The following OSBPL9 variants were observed in gnomAD, a reference collection of about 807,000 sequenced individuals.
OSBPL9 encodes oxysterol binding protein like 9.
OSBPL9 carries 40 observed loss-of-function variants against 106.6 expected under a neutral mutation model. The ratio of observed to expected loss-of-function variants is 0.38; its 90% CI spans 0.29 to 0.49. The LOEUF (loss-of-function observed/expected upper bound fraction) is 0.49, where lower values mean the gene tolerates loss of function less well. Ranked by LOEUF, OSBPL9 falls within the 20% of genes least tolerant of loss-of-function variation. The pLI, the probability that OSBPL9 is intolerant of heterozygous loss-of-function variation, is 0.97. For synonymous variants in OSBPL9, 269 were observed against 295.4 expected (o/e 0.91, Z 0.92); for missense variants, 609 against 887.2 (o/e 0.69, Z 3.98).
chr1:51,569,801 C>T, the OSBPL9 span: 1 of 152,134 alleles, frequency 6.6e-6, no homozygotes, highest in African/African-American at 2.4e-5. Context: ...AAAAAGCAGC[C>T]AGAGAGATCC....
the OSBPL9 span, among the ~76,000 whole-genome samples, chr1:51,555,681 C>A: frequency 4.7e-4 from 71 of 152,102 alleles, no homozygotes; most frequent in Middle Eastern, 3.4e-3. Context: ...GATTCTCCTG[C>A]CTCAGCCTCC....
At chr1:51,590,890 C>G (rs2148601293) in intron 1 of OSBPL9, among the ~76,000 whole-genome samples, 1 of 150,518 alleles carries the variant, frequency 6.6e-6, no homozygotes, top group African/African-American at 2.4e-5. Context: ...GCTGGGACTA[C>G]AGGCACATGC....
At chr1:51,702,810 T>A (rs1657596262) in intron 3 of OSBPL9, among the ~76,000 whole-genome samples, 1 of 152,242 alleles carries the variant, frequency 6.6e-6, no homozygotes, top group African/African-American at 2.4e-5. Context: ...CATCTTGAAT[T>A]AATTTTTGTA....
intron 3 of OSBPL9, among the ~76,000 whole-genome samples, chr1:51,713,445 C>T (rs534268116): frequency 2.0e-5 from 3 of 152,268 alleles, no homozygotes; most frequent in African/African-American, 4.8e-5. Context: ...CCACTGCACC[C>T]AGCCAGTTTT....
At chr1:51,696,415 C>A (rs183783365) in intron 3 of OSBPL9, among the ~76,000 whole-genome samples, 1 of 152,230 alleles carries the variant, frequency 6.6e-6, no homozygotes. Flanking sequence ...ACAACAACAA[C>A]AACAACAAAA....
the OSBPL9 span, among the ~76,000 whole-genome samples, chr1:51,557,271 T>C: frequency 2.0e-5 from 3 of 152,198 alleles, no homozygotes; most frequent in Non-Finnish European, 4.4e-5. Context: ...TGAATAGAGA[T>C]AACTATTTTG....
chr1:51,519,418 G>C, the OSBPL9 span: 1 of 203,352 alleles, frequency 4.9e-6, no homozygotes, highest in East Asian at 9.1e-5. Context: ...CCGCCCGCCG[G>C]AGCCGGCCGC....
At chr1:51,548,214 A>AT in the OSBPL9 span, among the ~76,000 whole-genome samples, 1 of 151,952 alleles carries the variant, frequency 6.6e-6, no homozygotes, top group Non-Finnish European at 1.5e-5. Flanking sequence ...TTATGCAGGC[A>AT]TTTTTTTCTT....
At chr1:51,702,978 G>A (rs1657635042) in intron 3 of OSBPL9, among the ~76,000 whole-genome samples, 2 of 152,026 alleles carry the variant, frequency 1.3e-5, no homozygotes, top group South Asian at 4.2e-4. Context: ...ATTTCTGAGG[G>A]CTCTGTTCTG....
chr1:51,738,607 C>T (rs1285366723), intron 4 of OSBPL9, among the ~76,000 whole-genome samples: 1 of 152,000 alleles, frequency 6.6e-6, no homozygotes, highest in East Asian at 1.9e-4. Flanking sequence ...GTTTTCCATA[C>T]TGTGTTTTAC....
chr1:51,740,012 T>A lies in OSBPL9; in HGVS notation c.319-5524T>A. On this transcript the variant is annotated intron_variant, in intron 4 of 23. Transcript: ENST00000428468. ...ATCTTTTTTTTTTTAACTTGCCACT[T>A]GCTGCTCATGTACCTACTTTTCCTC... is the stretch of plus-strand genomic sequence containing the variant. 11 of 1,051,102 alleles carry A rather than the reference T, an allele frequency of 1.0e-5. 1 individual carries two copies. In the South Asian group the frequency reaches 1.8e-4, roughly 17 times the overall value. 65.1% of individuals were successfully genotyped at this position (1,051,102 alleles called of 1,614,324 possible).
At chr1:51,782,722 G>A in intron 17 of OSBPL9, 79 bp downstream of exon 17, 1 of 1,263,392 alleles carries the variant, frequency 7.9e-7, no homozygotes, top group Non-Finnish European at 1.1e-6. Flanking sequence ...CGCCATAGCT[G>A]AGGGTACTGT....
Position 51,787,406 on chromosome 1 carries a change from C to T in OSBPL9, c.2054C>T (p.Thr685Ile). The change falls in exon 23 of 24, where the codon ACT becomes ATT. Residue 685 changes from threonine (T) to isoleucine (I), a missense_variant. By Grantham distance (89) the Thr-to-Ile change is moderately conservative. Transcript: ENST00000428468. The stretch of plus-strand genomic sequence containing the variant: ...AAAATCAGAGACATTGATGCAGCAA[C>T]TGAAGCAAAGCACAGGCTTGAAGAA... ...NLKIRDIDAA[T>I]EAKHRLEERQ... 6.2e-7 allele frequency: 1 copy of T among 1,614,026 alleles called. No homozygotes were observed. Among genetic ancestry groups the T allele is most frequent in the Non-Finnish European group, 8.5e-7 (1 of 1,179,938 alleles).
At chr1:51,556,232 TATC>T in the OSBPL9 span, among the ~76,000 whole-genome samples, 1 of 152,242 alleles carries the variant, frequency 6.6e-6, no homozygotes, top group African/African-American at 2.4e-5. Flanking sequence ...TAGTGGCTAT[TATC>T]ATAACTTTTC....
intron 16 of OSBPL9, 99 bp downstream of exon 16, chr1:51,781,434 A>G: frequency 8.2e-7 from 1 of 1,214,976 alleles, no homozygotes; most frequent in Non-Finnish European, 1.2e-6. Flanking sequence ...TGATCAAAAG[A>G]TGGTCACCAC....
chr1:51,614,939 C>G (rs1039195513), upstream of OSBPL9, among the ~76,000 whole-genome samples: 5 of 152,134 alleles, frequency 3.3e-5, no homozygotes, highest in African/African-American at 1.2e-4. Context: ...TTCTTAAGTA[C>G]TAAGCTTTGA....
chr1:51,549,294 T>C, the OSBPL9 span, among the ~76,000 whole-genome samples: 1 of 152,220 alleles, frequency 6.6e-6, no homozygotes, highest in Non-Finnish European at 1.5e-5. Context: ...CCCCCAAAGA[T>C]GCACACTCAT....
chr1:51,746,765 C>T lies in OSBPL9; in HGVS notation c.462+8C>T. On this transcript the variant is annotated splice_region_variant and intron_variant, in intron 6 of 23. Transcript: ENST00000428468. The stretch of plus-strand genomic sequence containing the variant: ...GAAGATGAACAGAGAAAGGTAACTT[C>T]CATAACCGTGCTTTTGACGTTAAAA... 2 of 1,600,942 alleles carry T rather than the reference C, an allele frequency of 1.2e-6. No homozygotes were observed. Among genetic ancestry groups the T allele is most frequent in the Non-Finnish European group, 1.7e-6 (2 of 1,173,970 alleles).
chr1:51,733,735 A>T (rs965981334), intron 4 of OSBPL9, among the ~76,000 whole-genome samples: 1 of 152,000 alleles, frequency 6.6e-6, no homozygotes, highest in Non-Finnish European at 1.5e-5. Context: ...AGGTCACACC[A>T]TTGCACCCCA....
Sources: gnomAD v4.1 joint callset for allele counts (sites outside exome capture counted in the v4.1 genomes callset) on GRCh38, gnomAD v4.1.1 for gene constraint, MANE v1.5 for transcripts, NCBI Gene and HGNC (gene_info 2026-07-23, HGNC 2026-07-21) for gene names.